ATP13A4: variants seen among roughly 807,000 people sequenced by gnomAD.
ATP13A4 encodes probable cation-transporting ATPase 13A4.
A neutral mutation model predicts 142.5 loss-of-function variants in ATP13A4; 114 were observed. That is an observed-to-expected ratio of 0.80 (90% CI 0.69 to 0.93). The LOEUF (loss-of-function observed/expected upper bound fraction) is 0.93. ATP13A4 is among the 40% of genes least tolerant of loss of function. The pLI, the probability that ATP13A4 is intolerant of heterozygous loss-of-function variation, is 0.00. For synonymous variants in ATP13A4, 488 were observed against 514.8 expected, an observed-to-expected ratio of 0.95 and a Z score of 0.70; for missense variants, 1,392 against 1,454.0, an observed-to-expected ratio of 0.96 and a Z score of 0.69.
intron 25 of ATP13A4, among the ~76,000 whole-genome samples, chr3:193,431,001 T>C (rs1379050799): frequency 6.6e-6 from 1 of 151,990 alleles, no homozygotes; most frequent in East Asian, 1.9e-4. Flanking sequence ...GGCGGCTACA[T>C]TGAAAATGGA....
intron 1 of ATP13A4, among the ~76,000 whole-genome samples, chr3:193,592,114 T>G: frequency 8.2e-6 from 1 of 122,562 alleles, no homozygotes; most frequent in Non-Finnish European, 1.6e-5. Flanking sequence ...TTATGCTCTG[T>G]GTATTTGTGT....
At chr3:193,430,612 CAT>C (rs1366974010) in intron 25 of ATP13A4, among the ~76,000 whole-genome samples, 2 of 151,922 alleles carry the variant, frequency 1.3e-5, no homozygotes, top group Middle Eastern at 3.2e-3. Flanking sequence ...AAGTCAAAGA[CAT>C]ATAAAGATCC....
Position 193,487,559 on chromosome 3 carries a change from G to A in ATP13A4, c.738+2171C>T, listed in dbSNP as rs189465210. 3.6e-3 allele frequency among the ~76,000 whole-genome samples: 541 copies of A among 152,218 alleles called. 5 individuals are homozygous for A. The highest frequency in any genetic ancestry group is 4.3e-3 in the Non-Finnish European group (292 of 68,014). ...TGAACTGCTGGGTCTAAGCTATCCT[G>A]CCACTTCAGCCTCCCAAAATTCTGG... On this transcript the variant is annotated intron_variant, in intron 7 of 29. Transcript: ENST00000342695.
intron 1 of ATP13A4, among the ~76,000 whole-genome samples, chr3:193,585,550 T>G (rs948594726): frequency 6.6e-6 from 1 of 152,040 alleles, no homozygotes. Flanking sequence ...CCCAAGACAA[T>G]TCTTCTTCCA....
intron 25 of ATP13A4, among the ~76,000 whole-genome samples, chr3:193,423,952 C>A (rs912379664): frequency 6.7e-6 from 1 of 149,152 alleles, no homozygotes; most frequent in African/African-American, 2.5e-5. Flanking sequence ...AGAAAACTAA[C>A]AGAACTAATA....
At chr3:193,547,558 C>A (rs1723294430) in intron 1 of ATP13A4, among the ~76,000 whole-genome samples, 1 of 152,220 alleles carries the variant, frequency 6.6e-6, no homozygotes, top group South Asian at 2.1e-4. Context: ...ACCCTCCAGG[C>A]AAATGAAATG....
chr3:193,496,212 G>A (rs1316134128), intron 3 of ATP13A4, among the ~76,000 whole-genome samples: 1 of 152,132 alleles, frequency 6.6e-6, no homozygotes, highest in Admixed American at 6.6e-5. Flanking sequence ...CACAGGAATA[G>A]AAAAAACAAT....
intron 1 of ATP13A4, among the ~76,000 whole-genome samples, chr3:193,540,520 T>C (rs1416392283): frequency 1.0e-5 from 1 of 97,218 alleles, no homozygotes; most frequent in Non-Finnish European, 1.8e-5. Context: ...TCACTAAGGC[T>C]CTCTGCCAAA....
intron 1 of ATP13A4, among the ~76,000 whole-genome samples, chr3:193,591,102 C>T (rs1442512990): frequency 2.6e-5 from 4 of 152,212 alleles, no homozygotes; most frequent in Non-Finnish European, 4.4e-5. Context: ...CTCGATCTGT[C>T]GCTCAGGCTG....
chr3:193,412,323 T>C lies in ATP13A4; in HGVS notation c.3063A>G (p.Pro1021=), dbSNP rs1043901125. The C allele has an allele frequency of 5.0e-6, 8 of 1,614,164 alleles. No homozygotes were observed. The highest frequency in any genetic ancestry group is 6.8e-6 in the Non-Finnish European group (8 of 1,180,028). The part of the protein sequence containing the change: ...NESISELTMS[P]TAPEKMESNS... ...TACTTTCCATTTTTTCTGGAGCAGT[T>C]GGAGACATGGTTAACTCTGAGATGC... The change falls in exon 27 of 30, where the codon CCA becomes CCG. Residue 1021 remains proline, a synonymous_variant. Transcript: ENST00000342695.
chr3:193,474,126 T>C lies in ATP13A4; in HGVS notation c.809-3133A>G, dbSNP rs181921529. Among the ~76,000 whole-genome samples, 42 of 151,962 alleles carry C rather than the reference T, an allele frequency of 2.8e-4. No individual in the cohort carries two copies. The East Asian group carries it at 7.6e-3, about 27-fold the overall frequency. On this transcript the variant is annotated intron_variant, in intron 8 of 29. Coordinates refer to ENST00000342695, the MANE Select transcript of ATP13A4 (RefSeq NM_032279.4). ...TGAGGTCTGGAGTTTGAGACCATCCTGGTCAACATGATGAAACCCCGTCTC... is the reference window on the plus strand; with the variant it reads ...TGAGGTCTGGAGTTTGAGACCATCCCGGTCAACATGATGAAACCCCGTCTC...
chr3:193,500,821 G>C (rs1160993536), intron 3 of ATP13A4, among the ~76,000 whole-genome samples: 1 of 152,188 alleles, frequency 6.6e-6, no homozygotes, highest in African/African-American at 2.4e-5. Flanking sequence ...CTGAGCCCAT[G>C]ACAGCTCCTC....
intron 1 of ATP13A4, among the ~76,000 whole-genome samples, chr3:193,518,566 A>G (rs1019395189): frequency 1.3e-5 from 2 of 152,210 alleles, no homozygotes; most frequent in Non-Finnish European, 2.9e-5. Context: ...TCAAAGTCCT[A>G]GCTTTTGTTT....
At chr3:193,446,140 A>G (rs2139854) in intron 18 of ATP13A4, among the ~76,000 whole-genome samples, 111,924 of 152,034 alleles carry the variant, frequency 0.74, 41,463 homozygotes, top group Admixed American at 0.77. Flanking sequence ...TCTAGCCTGG[A>G]CAAGAGAGCA....
In ATP13A4 at chr3:193,402,601, T is replaced by A. The variant is rs1294650862; in HGVS notation, c.*51A>T. The A allele has an allele frequency of 2.5e-6, 2 of 790,376 alleles. No homozygotes were observed. The highest frequency in any genetic ancestry group is 2.7e-5 in the South Asian group (2 of 73,926). The allele number at this position is 790,376 out of a possible 1,614,324, so 49.0% of individuals were successfully genotyped here. A position where few individuals can be genotyped will look rare whatever the true frequency, so the allele number is the denominator to read the frequency against. ...CATTTCTTAAAATCAATGAAACTGG[T>A]CCCTTTTGTCATTGTTTCTCTGTAA... On this transcript the variant is annotated 3_prime_UTR_variant, in exon 30 of 30. Transcript: ENST00000342695.
chr3:193,487,767 T>C (rs181915873), intron 7 of ATP13A4, among the ~76,000 whole-genome samples: 1 of 152,302 alleles, frequency 6.6e-6, no homozygotes, highest in Non-Finnish European at 1.5e-5. Context: ...TGTATAGGTA[T>C]GTAATATGTG....
intron 25 of ATP13A4, among the ~76,000 whole-genome samples, chr3:193,418,239 C>T (rs1490273696): frequency 7.1e-6 from 1 of 141,564 alleles, no homozygotes; most frequent in African/African-American, 2.7e-5. Flanking sequence ...ATGGCGTGAA[C>T]CCCGAGGGGC....
In ATP13A4 at chr3:193,418,062, C is replaced by CAGTG. The variant is rs1715183096; in HGVS notation, c.2843-3316_2843-3313dup. ...GCGTGAACCCGGGAGGCAGAGCTTGCAGTGAGCCGAGATCCCGCCACTGCA... is the reference window on the plus strand; with the variant it reads ...GCGTGAACCCGGGAGGCAGAGCTTGCAGTGAGTGAGCCGAGATCCCGCCACTGCA... On this transcript the variant is annotated intron_variant, in intron 25 of 29. Coordinates refer to ENST00000342695, the MANE Select transcript of ATP13A4 (RefSeq NM_032279.4). Among the ~76,000 whole-genome samples the CAGTG allele has an allele frequency of 2.6e-5, 3 of 114,040 alleles. No individual in the cohort carries two copies. The Admixed American group carries it at 3.6e-4, about 14-fold the overall frequency. The allele number at this position is 114,040 out of a possible 152,430, so 74.8% of individuals were successfully genotyped here. A position where few individuals can be genotyped will look rare whatever the true frequency, so the allele number is the denominator to read the frequency against.
chr3:193,517,027 C>G (rs1164335607), intron 1 of ATP13A4, among the ~76,000 whole-genome samples: 1 of 152,182 alleles, frequency 6.6e-6, no homozygotes, highest in Non-Finnish European at 1.5e-5. Flanking sequence ...GATACATATT[C>G]TCCCATTTAG....
Sources: gnomAD v4.1 joint callset for allele counts (sites outside exome capture counted in the v4.1 genomes callset) on GRCh38, gnomAD v4.1.1 for gene constraint, MANE v1.5 for transcripts, NCBI Gene and HGNC (gene_info 2026-07-23, HGNC 2026-07-21) for gene names.